HCRTR2: variants seen among roughly 807,000 people sequenced by gnomAD.
HCRTR2 encodes the protein hypocretin receptor 2, also known as orexin receptor type 2.
HCRTR2 carries 22 observed loss-of-function variants against 49.0 expected under a neutral mutation model. The observed-to-expected ratio is 0.45, with a 90% CI of 0.32 to 0.64. The LOEUF is 0.64. Ranked by LOEUF, HCRTR2 falls within the 30% of genes least tolerant of loss-of-function variation. The probability of loss-of-function intolerance (pLI) is 0.04; values close to 1 mark genes in which losing one functional copy is unlikely to be tolerated. For synonymous variants in HCRTR2, 236 were observed against 205.3 expected (o/e 1.15, Z -1.28); for missense variants, 491 against 559.4 (o/e 0.88, Z 1.23).
chr6:55,194,797 C>T (rs1033451504), intron 1 of HCRTR2, among the ~76,000 whole-genome samples: 7 of 151,702 alleles, frequency 4.6e-5, no homozygotes, highest in African/African-American at 9.7e-5. Context: ...GAGATCAAAA[C>T]GATAAGACAT....
intron 1 of HCRTR2, among the ~76,000 whole-genome samples, chr6:55,183,974 C>G (rs1316256632): frequency 1.3e-5 from 2 of 152,020 alleles, no homozygotes; most frequent in African/African-American, 4.8e-5. Context: ...GTTGCCCAGG[C>G]TGGAGTGCAG....
intron 1 of HCRTR2, among the ~76,000 whole-genome samples, chr6:55,208,319 T>TTA (rs1765638074): frequency 1.6e-5 from 2 of 126,736 alleles, no homozygotes; most frequent in African/African-American, 6.1e-5. Context: ...CTACGAAAAA[T>TTA]AAAAAAATAA....
intron 1 of HCRTR2, among the ~76,000 whole-genome samples, chr6:55,189,315 T>C (rs1195477846): frequency 6.6e-6 from 1 of 152,152 alleles, no homozygotes; most frequent in East Asian, 1.9e-4. Context: ...GGAAAACAGT[T>C]AGAAGCCTGT....
intron 1 of HCRTR2, among the ~76,000 whole-genome samples, chr6:55,181,898 G>A (rs902062804): frequency 5.9e-5 from 9 of 152,058 alleles, no homozygotes; most frequent in African/African-American, 1.7e-4. Context: ...TAATAATTTC[G>A]ATGTTTTAAT....
intron 1 of HCRTR2, among the ~76,000 whole-genome samples, chr6:55,140,583 T>C (rs1764492665): frequency 1.3e-5 from 2 of 152,176 alleles, no homozygotes; most frequent in East Asian, 3.8e-4. Context: ...TTATTTATAA[T>C]CACAACTGGC....
At chr6:55,128,395 G>C (rs554463401) in intron 1 of HCRTR2, among the ~76,000 whole-genome samples, 2 of 152,200 alleles carry the variant, frequency 1.3e-5, no homozygotes, top group East Asian at 3.9e-4. Flanking sequence ...GGATTGCCTT[G>C]GGTATTCACG....
At chr6:55,158,536 A>G (rs866879303) in intron 1 of HCRTR2, among the ~76,000 whole-genome samples, 1 of 152,332 alleles carries the variant, frequency 6.6e-6, no homozygotes, top group Non-Finnish European at 1.5e-5. Flanking sequence ...CATGGAGGCC[A>G]GTAAGCTAAG....
intron 1 of HCRTR2, among the ~76,000 whole-genome samples, chr6:55,127,807 A>AG (rs887051347): frequency 2.2e-5 from 2 of 89,534 alleles, no homozygotes; most frequent in Non-Finnish European, 4.9e-5. Context: ...AATGTCCAAA[A>AG]GGAGACTTGC....
chr6:55,160,940 C>A (rs1376384693), intron 1 of HCRTR2, among the ~76,000 whole-genome samples: 7 of 152,130 alleles, frequency 4.6e-5, no homozygotes, highest in Non-Finnish European at 1.0e-4. Flanking sequence ...AGAAAATTAA[C>A]AAGTACATTC....
At chr6:55,207,721 C>A (rs1003972296) in intron 1 of HCRTR2, among the ~76,000 whole-genome samples, 25 of 152,124 alleles carry the variant, frequency 1.6e-4, no homozygotes, top group African/African-American at 5.6e-4. Context: ...GCCATTGTAG[C>A]AAATATTTTC....
At chr6:55,138,675 T>C (rs1204977518) in intron 1 of HCRTR2, among the ~76,000 whole-genome samples, 6 of 152,216 alleles carry the variant, frequency 3.9e-5, no homozygotes, top group Non-Finnish European at 8.8e-5. Flanking sequence ...CATTTTAAAC[T>C]GCTTAAGCAG....
chr6:55,174,192 C>A, upstream of HCRTR2: 1 of 175,578 alleles, frequency 5.7e-6, no homozygotes, highest in Non-Finnish European at 1.2e-5. Flanking sequence ...GTTTTCATTA[C>A]TTTTTTTTTT....
chr6:55,172,161 G>A (rs1455814082), upstream of HCRTR2, among the ~76,000 whole-genome samples: 2 of 152,166 alleles, frequency 1.3e-5, no homozygotes, highest in Non-Finnish European at 2.9e-5. Flanking sequence ...AATAGCATTA[G>A]AATTTAAGGT....
intron 1 of HCRTR2, among the ~76,000 whole-genome samples, chr6:55,207,944 A>G (rs1234315197): frequency 6.6e-6 from 1 of 152,196 alleles, no homozygotes; most frequent in Non-Finnish European, 1.5e-5. Flanking sequence ...CCGTGATCCT[A>G]GAACAAATTT....
intron 3 of HCRTR2, 85 bp from the exon 4 acceptor site, chr6:55,263,622 C>T (rs1448366982): frequency 1.3e-6 from 1 of 744,548 alleles, no homozygotes. Flanking sequence ...TAAATATGCA[C>T]TTTGAAGAAA....
chr6:55,171,962 C>A (rs71560899), upstream of HCRTR2, among the ~76,000 whole-genome samples: 22,307 of 152,120 alleles, frequency 0.15, 2,170 homozygotes, highest in Non-Finnish European at 0.22. Flanking sequence ...GTTGCAACAA[C>A]CTTTCCCACT....
chr6:55,208,504 T>TAA (rs527251037), intron 1 of HCRTR2, among the ~76,000 whole-genome samples: 1 of 137,690 alleles, frequency 7.3e-6, no homozygotes, highest in Non-Finnish European at 1.6e-5. Flanking sequence ...AAAATAAAAA[T>TAA]AAAAAAAAAA....
At chr6:55,107,184 T>C (rs1763985487) in intron 1 of HCRTR2, among the ~76,000 whole-genome samples, 1 of 152,204 alleles carries the variant, frequency 6.6e-6, no homozygotes. Context: ...TAAAATTTTA[T>C]GATTTTTAAA....
intron 1 of HCRTR2, among the ~76,000 whole-genome samples, chr6:55,146,240 G>C (rs1162776636): frequency 6.6e-6 from 1 of 151,848 alleles, no homozygotes; most frequent in Non-Finnish European, 1.5e-5. Context: ...TCTCAGAAAG[G>C]GATAATATAC....
Sources: gnomAD v4.1 joint callset for allele counts (sites outside exome capture counted in the v4.1 genomes callset) on GRCh38, gnomAD v4.1.1 for gene constraint, MANE v1.5 for transcripts, NCBI Gene and HGNC (gene_info 2026-07-23, HGNC 2026-07-21) for gene names.